Variants in AKAP19 observed in about 807,000 individuals in gnomAD.
The protein encoded by AKAP19 is small A-kinase anchoring protein.
the AKAP19 span, among the ~76,000 whole-genome samples, chr2:190,143,307 A>C: frequency 6.7e-6 from 1 of 149,282 alleles, no homozygotes. Context: ...AAAAAGCAAC[A>C]CTGAACTTTA....
At chr2:189,907,681 A>T in the AKAP19 span, among the ~76,000 whole-genome samples, 1 of 152,132 alleles carries the variant, frequency 6.6e-6, no homozygotes, top group Admixed American at 6.6e-5. Context: ...ATATTTGTTG[A>T]ACAATAGTGA....
At chr2:189,882,517 G>A in the AKAP19 span, among the ~76,000 whole-genome samples, 1 of 152,118 alleles carries the variant, frequency 6.6e-6, no homozygotes, top group African/African-American at 2.4e-5. Context: ...CCAGGTTATA[G>A]GTAGACAAGA....
chr2:189,949,337 AG>A, the AKAP19 span, among the ~76,000 whole-genome samples: 1 of 152,020 alleles, frequency 6.6e-6, no homozygotes, highest in Non-Finnish European at 1.5e-5. Context: ...GTGGATCACG[AG>A]GTCAGGAGTT....
chr2:189,971,156 C>A, the AKAP19 span, among the ~76,000 whole-genome samples: 5 of 152,116 alleles, frequency 3.3e-5, no homozygotes, highest in Admixed American at 6.5e-5. Context: ...ACGACAGGCC[C>A]CAGTGTGTGA....
the AKAP19 span, among the ~76,000 whole-genome samples, chr2:189,990,945 T>C: frequency 6.6e-6 from 1 of 152,152 alleles, no homozygotes; most frequent in African/African-American, 2.4e-5. Context: ...CATTTATAAG[T>C]GAGAACATAC....
the AKAP19 span, among the ~76,000 whole-genome samples, chr2:190,195,546 A>G: frequency 6.6e-6 from 1 of 152,202 alleles, no homozygotes; most frequent in African/African-American, 2.4e-5. Flanking sequence ...TGTGCCACCT[A>G]TATGTAAGAA....
At chr2:189,952,142 T>G in the AKAP19 span, among the ~76,000 whole-genome samples, 1 of 152,216 alleles carries the variant, frequency 6.6e-6, no homozygotes, top group African/African-American at 2.4e-5. Flanking sequence ...TATACACACT[T>G]TTGAGCCTAA....
chr2:190,114,477 ACGGAGTCTCG>A, the AKAP19 span, among the ~76,000 whole-genome samples: 2 of 152,162 alleles, frequency 1.3e-5, no homozygotes, highest in African/African-American at 4.8e-5. Flanking sequence ...TGTTTTTGAG[ACGGAGTCTCG>A]CTCTGTTGCC....
chr2:190,096,453 T>C, the AKAP19 span, among the ~76,000 whole-genome samples: 78 of 152,348 alleles, frequency 5.1e-4, no homozygotes, highest in Admixed American at 1.7e-3. Context: ...CCCTTCTTTT[T>C]AGGGGTCTTG....
chr2:190,108,837 C>T, the AKAP19 span, among the ~76,000 whole-genome samples: 1 of 147,138 alleles, frequency 6.8e-6, no homozygotes, highest in Non-Finnish European at 1.5e-5. Context: ...TCCATAAAGG[C>T]CTCATTTGAA....
chr2:190,068,004 C>A, the AKAP19 span, among the ~76,000 whole-genome samples: 4 of 152,000 alleles, frequency 2.6e-5, no homozygotes, highest in Non-Finnish European at 5.9e-5. Context: ...AAGTTCGAGA[C>A]CAGCTTGGCC....
At chr2:189,943,619 T>C in the AKAP19 span, among the ~76,000 whole-genome samples, 1 of 152,144 alleles carries the variant, frequency 6.6e-6, no homozygotes, top group Non-Finnish European at 1.5e-5. Context: ...CCCAGAATGG[T>C]AAATCCACCA....
At chr2:190,160,045 A>T in the AKAP19 span, among the ~76,000 whole-genome samples, 2 of 152,158 alleles carry the variant, frequency 1.3e-5, no homozygotes, top group African/African-American at 4.8e-5. Context: ...CAGGCAGGGG[A>T]AGTTCATTTT....
the AKAP19 span, among the ~76,000 whole-genome samples, chr2:190,178,360 C>T: frequency 6.6e-6 from 1 of 152,250 alleles, no homozygotes; most frequent in Non-Finnish European, 1.5e-5. The surrounding 1 kb of genome is among the most constrained non-coding windows in gnomAD (Gnocchi z 6.3). Context: ...GCCCAACCTG[C>T]AAGTACCTGT....
chr2:189,952,325 G>A, the AKAP19 span, among the ~76,000 whole-genome samples: 2 of 152,134 alleles, frequency 1.3e-5, no homozygotes, highest in Non-Finnish European at 2.9e-5. Context: ...TACAAGAAAG[G>A]GGCTTATTTC....
the AKAP19 span, among the ~76,000 whole-genome samples, chr2:189,990,814 G>A: frequency 6.6e-6 from 1 of 152,254 alleles, no homozygotes; most frequent in African/African-American, 2.4e-5. Context: ...CATCACCTGA[G>A]CAGTGTACAC....
At chr2:189,966,648 TAAAG>T in the AKAP19 span, among the ~76,000 whole-genome samples, 4 of 152,086 alleles carry the variant, frequency 2.6e-5, no homozygotes, top group Non-Finnish European at 4.4e-5. Context: ...ACACATCTGA[TAAAG>T]AAACTAAATA....
At chr2:189,899,804 T>TCTC in the AKAP19 span, among the ~76,000 whole-genome samples, 1 of 151,898 alleles carries the variant, frequency 6.6e-6, no homozygotes, top group East Asian at 1.9e-4. Context: ...CTATATTTCT[T>TCTC]TACTTTTTAC....
chr2:190,069,169 T>TGAGAGAGA, the AKAP19 span, among the ~76,000 whole-genome samples: 1 of 137,276 alleles, frequency 7.3e-6, no homozygotes, highest in African/African-American at 3.2e-5. Flanking sequence ...TGTGTGTGTG[T>TGAGAGAGA]GTGTGTGAGA....
Sources: allele counts gnomAD v4.1 joint callset (sites outside exome capture counted in the v4.1 genomes callset), GRCh38; gene constraint gnomAD v4.1.1; non-coding constraint Gnocchi (gnomAD v3.1); transcripts MANE v1.5; gene names NCBI Gene and HGNC (gene_info 2026-07-23, HGNC 2026-07-21).